Variants in DIP2C observed in about 807,000 individuals in gnomAD.
DIP2C encodes DIP2 acetate--CoA ligase C (putative).
DIP2C carries 33 observed loss-of-function variants against 192.4 expected under a neutral mutation model. The observed-to-expected ratio is 0.17, with a 90% CI of 0.13 to 0.23. The LOEUF is 0.23. Among genes scored for constraint, DIP2C ranks in the 10% least tolerant of loss-of-function variants. The pLI is 1.00. For missense variants in DIP2C, 1,537 were observed against 2,110.1 expected (o/e 0.73, Z 5.32); for synonymous variants, 979 against 864.1 (o/e 1.13, Z -2.33).
At chr10:477,950 A>G (rs1430250869) in intron 2 of DIP2C, among the ~76,000 whole-genome samples, 1 of 101,542 alleles carries the variant, frequency 9.8e-6, no homozygotes, top group African/African-American at 4.1e-5. Flanking sequence ...AAGGAAAAGA[A>G]GGAAAGAAAA....
At chr10:473,094 G>A (rs756976546) in intron 2 of DIP2C, among the ~76,000 whole-genome samples, 9 of 152,282 alleles carry the variant, frequency 5.9e-5, no homozygotes, top group Middle Eastern at 3.4e-3. Context: ...GATGCCAAGT[G>A]TTTTAACAGA....
intron 9 of DIP2C, among the ~76,000 whole-genome samples, chr10:400,817 A>C (rs962436369): frequency 4.0e-5 from 6 of 151,602 alleles, no homozygotes; most frequent in African/African-American, 1.5e-4. Flanking sequence ...CCTTATGAAC[A>C]AGTTTGGTAT....
At chr10:610,942 C>T (rs112290473) in intron 1 of DIP2C, among the ~76,000 whole-genome samples, 4 of 65,164 alleles carry the variant, frequency 6.1e-5, no homozygotes, top group South Asian at 4.8e-4. Flanking sequence ...CTAACCCCCC[C>T]GTGTTGGAGG....
At chr10:443,355 C>G (rs578020281) in intron 3 of DIP2C, among the ~76,000 whole-genome samples, 4 of 152,228 alleles carry the variant, frequency 2.6e-5, no homozygotes, top group African/African-American at 9.6e-5. Flanking sequence ...TGGAGTCTGG[C>G]TTGGTGGGTC....
intron 2 of DIP2C, among the ~76,000 whole-genome samples, chr10:483,064 G>A (rs568539688): frequency 5.1e-4 from 78 of 152,300 alleles, no homozygotes; most frequent in Admixed American, 2.3e-3. Flanking sequence ...TCTGAATCCC[G>A]ACTGGAGGCC....
At chr10:332,531 C>G (rs1330650759) in intron 29 of DIP2C, among the ~76,000 whole-genome samples, 1 of 152,114 alleles carries the variant, frequency 6.6e-6, no homozygotes, top group Non-Finnish European at 1.5e-5. Context: ...GCTGTATTAG[C>G]CAAAATTGAT....
rs549444909 is a variant in DIP2C at position 573,122 on chromosome 10, G to T, written c.86-86592C>A. On this transcript the variant is annotated intron_variant, in intron 1 of 36. Transcript: ENST00000280886. The stretch of plus-strand genomic sequence containing the variant: ...TTTAGCATGTAAGTGAATTATTTGG[G>T]AGTTCCTGTGTCTGCTGTCATAATG... 7.2e-5 allele frequency among the ~76,000 whole-genome samples: 11 copies of T among 152,240 alleles called. No individual in the cohort carries two copies. The South Asian group carries it at 1.0e-3, about 14-fold the overall frequency.
chr10:333,005 T>C (rs1019249396), intron 29 of DIP2C, among the ~76,000 whole-genome samples: 2 of 152,240 alleles, frequency 1.3e-5, no homozygotes, highest in Non-Finnish European at 2.9e-5. Context: ...TGGGTTCAAG[T>C]GATTCTCCTG....
intron 1 of DIP2C, among the ~76,000 whole-genome samples, chr10:680,443 C>T (rs931811054): frequency 2.0e-5 from 3 of 152,156 alleles, no homozygotes; most frequent in African/African-American, 7.2e-5. Context: ...CTACACTGTC[C>T]GCACTGGGTA....
chr10:427,103 C>T (rs1235676012), intron 4 of DIP2C, among the ~76,000 whole-genome samples: 1 of 152,222 alleles, frequency 6.6e-6, no homozygotes, highest in African/African-American at 2.4e-5. Flanking sequence ...TATCTATTAT[C>T]CTACAGATGG....
At chr10:585,486 G>A (rs759674492) in intron 1 of DIP2C, among the ~76,000 whole-genome samples, 15 of 152,208 alleles carry the variant, frequency 9.9e-5, no homozygotes, top group African/African-American at 2.2e-4. Context: ...CGGGAAATCC[G>A]TCTCACCTGG....
At chr10:654,844 C>G (rs1342050644) in intron 1 of DIP2C, among the ~76,000 whole-genome samples, 1 of 152,172 alleles carries the variant, frequency 6.6e-6, no homozygotes, top group African/African-American at 2.4e-5. Flanking sequence ...CTACTATGAT[C>G]GGTTTGTTCT....
chr10:584,618 G>A (rs1175476854), intron 1 of DIP2C, among the ~76,000 whole-genome samples: 24 of 61,826 alleles, frequency 3.9e-4, no homozygotes, highest in East Asian at 1.0e-3. Context: ...CTCGGGGCCC[G>A]CGACCTGACC....
In DIP2C at chr10:666,335, G is replaced by C. The variant is rs1857087023; in HGVS notation, c.85+23159C>G. 6.6e-6 allele frequency: 1 copy of C among 152,252 alleles called. No individual in the cohort carries two copies. Among genetic ancestry groups the C allele is most frequent in the South Asian group, 2.1e-4 (1 of 4,834 alleles). 9.4% of individuals were successfully genotyped at this position (152,252 alleles called of 1,614,324 possible). A position where few individuals can be genotyped will look rare whatever the true frequency, so the allele number is the denominator to read the frequency against. Reference sequence around the variant, plus strand: ...CTGGTCTGCGTTCAGAGCTGGTGAGGAGCAGGGAGAAGAATCCAGAGCGTC... The same window carrying C: ...CTGGTCTGCGTTCAGAGCTGGTGAGCAGCAGGGAGAAGAATCCAGAGCGTC... On this transcript the variant is annotated intron_variant, in intron 1 of 36. Transcript: ENST00000280886. The surrounding 1 kb of genome is among the most constrained non-coding windows in gnomAD (Gnocchi z 4.1).
At chr10:278,319 T>C (rs1352171884) in intron 36 of DIP2C, among the ~76,000 whole-genome samples, 1 of 152,240 alleles carries the variant, frequency 6.6e-6, no homozygotes, top group East Asian at 1.9e-4. Flanking sequence ...TGGGGGTGTG[T>C]TTCCCAGTCC....
In DIP2C at chr10:376,137, G is replaced by A. The variant is rs116313425; in HGVS notation, c.1992-6504C>T. The stretch of plus-strand genomic sequence containing the variant: ...CTCAATGCTCACACGGGCCTCTGAC[G>A]TAGCTAACTGCTGTGATTCTCATCT... On this transcript the variant is annotated intron_variant, in intron 17 of 36. Transcript: ENST00000280886. Among the ~76,000 whole-genome samples the A allele has an allele frequency of 2.8e-3, 431 of 152,312 alleles. 2 individuals carry two copies. The highest frequency in any genetic ancestry group is 9.8e-3 in the African/African-American group (407 of 41,552).
Position 369,505 on chromosome 10 carries a change from A to G in DIP2C, c.2120T>C (p.Val707Ala), listed in dbSNP as rs1960699831. ...SVLTVQDVGL[V>A]MPGAIMCSVK... ...CGACCCACACTCACCTCCAGGCATC[A>G]CGAGGCCGACATCCTGCACGGTGAG... Residue 707 changes from valine to alanine, a missense_variant, in exon 18 of 37, where the codon GTG becomes GCG. By Grantham distance (64) the Val-to-Ala change is moderately conservative. This residue lies in a region of DIP2C where 677 missense variants were observed against 989.9 expected (regional missense o/e 0.68). Coordinates refer to ENST00000280886, the MANE Select transcript of DIP2C (RefSeq NM_014974.3). 6.5e-7 allele frequency: 1 copy of G among 1,548,056 alleles called. No homozygotes were observed. The highest frequency in any genetic ancestry group is 1.4e-5 in the African/African-American group (1 of 73,536).
chr10:324,440 T>TGA (rs1173030016), intron 31 of DIP2C, among the ~76,000 whole-genome samples: 4 of 152,160 alleles, frequency 2.6e-5, no homozygotes, highest in Non-Finnish European at 5.9e-5. Flanking sequence ...GAAGGGGAGG[T>TGA]GAGCTCGCAT....
intron 9 of DIP2C, among the ~76,000 whole-genome samples, chr10:406,456 T>C (rs568148387): frequency 6.6e-6 from 1 of 152,324 alleles, no homozygotes; most frequent in South Asian, 2.1e-4. Context: ...TGGACTACTC[T>C]AGGGATGTCA....
Sources: allele counts gnomAD v4.1 joint callset (sites outside exome capture counted in the v4.1 genomes callset), GRCh38; gene constraint gnomAD v4.1.1; regional missense constraint gnomAD v4.1.1; non-coding constraint Gnocchi (gnomAD v3.1); transcripts MANE v1.5; gene names NCBI Gene and HGNC (gene_info 2026-07-23, HGNC 2026-07-21).